Variants in DPF3 observed in about 807,000 individuals in gnomAD.
DPF3 encodes the protein double PHD fingers 3.
DPF3 carries 18 observed loss-of-function variants against 56.8 expected under a neutral mutation model. The observed-to-expected ratio is 0.32, with a 90% CI of 0.22 to 0.47. DPF3 has a LOEUF of 0.47. Among genes scored for constraint, DPF3 ranks in the 20% least tolerant of loss-of-function variants. The pLI is 1.00. For missense variants in DPF3, 403 were observed against 488.8 expected (o/e 0.82, Z 1.65); for synonymous variants, 188 against 180.2 (o/e 1.04, Z -0.35).
At chr14:72,650,287 C>A (rs1885869193) in intron 8 of DPF3, among the ~76,000 whole-genome samples, 1 of 152,186 alleles carries the variant, frequency 6.6e-6, no homozygotes, top group Non-Finnish European at 1.5e-5. Context: ...ACTTCCAAAC[C>A]CCGCCCCGAC....
At chr14:72,889,280 G>C (rs1462496986) in intron 1 of DPF3, among the ~76,000 whole-genome samples, 1 of 152,194 alleles carries the variant, frequency 6.6e-6, no homozygotes, top group Non-Finnish European at 1.5e-5. Flanking sequence ...GGTTCTCGCA[G>C]ACATTAATCT....
chr14:72,737,898 A>T (rs1428393899), intron 3 of DPF3, among the ~76,000 whole-genome samples: 1 of 146,060 alleles, frequency 6.8e-6, no homozygotes, highest in Non-Finnish European at 1.5e-5. Flanking sequence ...TGAGTGCTCA[A>T]TTTTTTTTTT....
At chr14:72,885,392 T>C (rs1445975418) in intron 1 of DPF3, among the ~76,000 whole-genome samples, 1 of 151,660 alleles carries the variant, frequency 6.6e-6, no homozygotes, top group Admixed American at 6.6e-5. Flanking sequence ...GTTTGTTTGT[T>C]TGTTTGTTTG....
chr14:72,673,370 C>CT (rs1165103066), intron 8 of DPF3, among the ~76,000 whole-genome samples: 2 of 152,176 alleles, frequency 1.3e-5, no homozygotes, highest in African/African-American at 4.8e-5. Context: ...ATATCAGGGG[C>CT]TGATGAGACT....
At chr14:72,887,171 AC>A (rs1886581796) in intron 1 of DPF3, among the ~76,000 whole-genome samples, 1 of 122,846 alleles carries the variant, frequency 8.1e-6, no homozygotes, top group South Asian at 2.4e-4. Context: ...ACACACACAC[AC>A]ACACACACAC....
chr14:72,758,349 A>T (rs1890925453), intron 2 of DPF3, among the ~76,000 whole-genome samples: 1 of 152,200 alleles, frequency 6.6e-6, no homozygotes, highest in African/African-American at 2.4e-5. Context: ...TTACAGCCTT[A>T]AGAGAGTCTC....
rs115672255 is a variant in DPF3, at chr14:72,795,199, G to A, written c.33-23306C>T. ...CTGCTGCAAGGTACACTTGAATACC[G>A]TCAAAGCAATGGTGAAGAATTGAAA... On this transcript the variant is annotated intron_variant, in intron 1 of 10. Coordinates refer to ENST00000556509, the MANE Select transcript of DPF3 (RefSeq NM_001280542.3). 9.6e-3 allele frequency among the ~76,000 whole-genome samples: 1,443 copies of A among 150,144 alleles called. 27 individuals are homozygous for A. Among genetic ancestry groups the A allele is most frequent in the African/African-American group, 0.034 (1,369 of 40,778 alleles).
In DPF3 at chr14:72,714,483, C is replaced by A; in HGVS notation, c.544G>T (p.Gly182Cys). ...GAGGCGGCGTCGTGCCTCCTCCTGCCCCCTGCAGAGCCGCGAGCCTGGGGA... is the reference window on the plus strand; with the variant it reads ...GAGGCGGCGTCGTGCCTCCTCCTGCACCCTGCAGAGCCGCGAGCCTGGGGA... ...TRGRARGSAG[G>C]RRRHDAASQE... Residue 182 changes from glycine to cysteine, a missense_variant, in exon 6 of 11, where the codon GGC becomes TGC. Coordinates refer to ENST00000556509, the MANE Select transcript of DPF3 (RefSeq NM_001280542.3). 1 of 1,613,782 alleles carries A rather than the reference C, an allele frequency of 6.2e-7. No individual in the cohort carries two copies.
At chr14:72,638,052 A>G (rs1885435973) in intron 8 of DPF3, among the ~76,000 whole-genome samples, 1 of 152,200 alleles carries the variant, frequency 6.6e-6, no homozygotes, top group Non-Finnish European at 1.5e-5. Flanking sequence ...GGCCTTGGGT[A>G]AGGTTCCATC....
rs182839512 is a variant in DPF3 at position 72,609,045 on chromosome 14, C to T, written c.*10252G>A. On this transcript the variant is annotated 3_prime_UTR_variant, in exon 11 of 11. Transcript: ENST00000556509. ...ATAAGAGTTTCCAAGAGTTTTAAAG[C>T]CTTTTATTTGTTTACACATTCTCTA... Among the ~76,000 whole-genome samples, 126 of 152,280 alleles carry T rather than the reference C, an allele frequency of 8.3e-4. 1 individual carries two copies. Among genetic ancestry groups the T allele is most frequent in the African/African-American group, 2.9e-3 (122 of 41,554 alleles).
intron 1 of DPF3, among the ~76,000 whole-genome samples, chr14:72,865,692 C>T (rs1036067983): frequency 1.3e-5 from 2 of 152,164 alleles, no homozygotes; most frequent in African/African-American, 2.4e-5. Flanking sequence ...CAATGCAGGG[C>T]GTGTGCAAGT....
At chr14:72,739,113 G>A (rs1265566877) in intron 3 of DPF3, among the ~76,000 whole-genome samples, 13 of 151,874 alleles carry the variant, frequency 8.6e-5, no homozygotes, top group East Asian at 3.9e-4. Context: ...GGGATCGTAC[G>A]CACCTGTAGT....
rs558799751 is a variant in DPF3 at position 72,693,913 on chromosome 14, G to A, written c.605-700C>T. On this transcript the variant is annotated intron_variant, in intron 6 of 10. Coordinates refer to ENST00000556509, the MANE Select transcript of DPF3 (RefSeq NM_001280542.3). ...CACATGCTGCACTTCTACCATGAAC[G>A]CCATGGAGTTAAAGCATCCTTGGTG... is the stretch of plus-strand genomic sequence containing the variant. 2.6e-5 allele frequency among the ~76,000 whole-genome samples: 4 copies of A among 152,328 alleles called. No individual in the cohort carries two copies. The South Asian group carries it at 6.2e-4, about 24-fold the overall frequency.
chr14:72,645,732 C>T (rs527564586), intron 8 of DPF3, among the ~76,000 whole-genome samples: 38 of 152,172 alleles, frequency 2.5e-4, no homozygotes, highest in Admixed American at 7.8e-4. Context: ...CACCATGGAC[C>T]CCAACCCCAC....
intron 1 of DPF3, among the ~76,000 whole-genome samples, chr14:72,801,077 G>A (rs1355904075): frequency 1.3e-5 from 2 of 152,332 alleles, no homozygotes; most frequent in African/African-American, 4.8e-5. Context: ...CAATAGTGCA[G>A]TACAAAGAGA....
At chr14:72,718,332 T>C (rs1889017209) in intron 5 of DPF3, among the ~76,000 whole-genome samples, 2 of 152,204 alleles carry the variant, frequency 1.3e-5, no homozygotes, top group Admixed American at 6.5e-5. Flanking sequence ...AGCAGAGAGC[T>C]AGATCTTCTA....
intron 1 of DPF3, among the ~76,000 whole-genome samples, chr14:72,792,378 G>A (rs926382081): frequency 6.6e-6 from 1 of 151,992 alleles, no homozygotes; most frequent in African/African-American, 2.4e-5. Context: ...AGATCCAAAG[G>A]CTTTCGCTTT....
chr14:72,623,825 C>T (rs1304383884), intron 9 of DPF3, among the ~76,000 whole-genome samples: 5 of 152,192 alleles, frequency 3.3e-5, no homozygotes, highest in African/African-American at 1.2e-4. Flanking sequence ...ATATTATGTT[C>T]TCTAAAGACC....
chr14:72,621,040 C>T (rs11623926), intron 9 of DPF3, among the ~76,000 whole-genome samples: 8,454 of 151,792 alleles, frequency 0.056, 318 homozygotes, highest in Middle Eastern at 0.099. Flanking sequence ...ACTCAGGAGG[C>T]TGAGGCAGGA....
Sources: gnomAD v4.1 joint callset for allele counts (sites outside exome capture counted in the v4.1 genomes callset) on GRCh38, gnomAD v4.1.1 for gene constraint, MANE v1.5 for transcripts, NCBI Gene and HGNC (gene_info 2026-07-23, HGNC 2026-07-21) for gene names.